The following EML6 variants were observed in gnomAD, a reference collection of about 807,000 sequenced individuals.
EML6 encodes echinoderm microtubule-associated protein-like 6.
EML6 carries 154 observed loss-of-function variants against 240.1 expected under a neutral mutation model. The ratio of observed to expected loss-of-function variants is 0.64; its 90% CI spans 0.56 to 0.73. The LOEUF (loss-of-function observed/expected upper bound fraction) is 0.73, where lower values mean the gene tolerates loss of function less well. Ranked by LOEUF, EML6 falls within the 30% of genes least tolerant of loss-of-function variation. EML6 has a pLI of 0.00. For synonymous variants in EML6, 1,148 were observed against 899.0 expected, an observed-to-expected ratio of 1.28 and a Z score of -4.95; for missense variants, 2,964 against 2,474.6, an observed-to-expected ratio of 1.20 and a Z score of -4.20.
intron 2 of EML6, among the ~76,000 whole-genome samples, chr2:54,770,971 C>T (rs1482890596): frequency 6.6e-6 from 1 of 152,028 alleles, no homozygotes; most frequent in Non-Finnish European, 1.5e-5. Flanking sequence ...AATGGAAACA[C>T]AGAGAGGAGC....
intron 2 of EML6, among the ~76,000 whole-genome samples, chr2:54,776,832 T>C (rs1439030365): frequency 6.6e-6 from 1 of 152,230 alleles, no homozygotes; most frequent in Admixed American, 6.5e-5. Flanking sequence ...TATGAACATT[T>C]GTATACTGGG....
chr2:54,907,443 G>T (rs1378815847), intron 24 of EML6, among the ~76,000 whole-genome samples: 1 of 152,188 alleles, frequency 6.6e-6, no homozygotes. Flanking sequence ...GGAGGCAGAG[G>T]TTGCAGGGAG....
chr2:54,867,457 C>T (rs536450090), intron 14 of EML6: 2 of 152,172 alleles, frequency 1.3e-5, no homozygotes, highest in African/African-American at 4.8e-5. Context: ...GTTTGATTCT[C>T]ACTATGATCA....
chr2:54,848,437 C>T (rs1044920793), intron 9 of EML6, among the ~76,000 whole-genome samples: 15 of 151,692 alleles, frequency 9.9e-5, no homozygotes, highest in African/African-American at 3.4e-4. Flanking sequence ...AACTAGTGGG[C>T]AACATTTTCT....
intron 19 of EML6, among the ~76,000 whole-genome samples, chr2:54,894,032 A>G (rs1037356706): frequency 8.5e-5 from 13 of 152,148 alleles, no homozygotes. Context: ...AATATAATAT[A>G]TTGCATTTTA....
At chr2:54,928,866 A>G (rs1376517785) in intron 28 of EML6, 115 bp downstream of exon 28, 5 of 1,247,550 alleles carry the variant, frequency 4.0e-6, no homozygotes, top group Non-Finnish European at 5.6e-6. Context: ...TCTTTTATAA[A>G]TCTTCACAGA....
chr2:54,734,275 T>C (rs1035012094), intron 2 of EML6, among the ~76,000 whole-genome samples: 1 of 152,236 alleles, frequency 6.6e-6, no homozygotes, highest in African/African-American at 2.4e-5. Flanking sequence ...GAAACAGTGG[T>C]TGCAGTGAGC....
At chr2:54,878,632 AATT>A (rs1250479956) in intron 16 of EML6, among the ~76,000 whole-genome samples, 3 of 152,246 alleles carry the variant, frequency 2.0e-5, no homozygotes, top group Non-Finnish European at 2.9e-5. Context: ...AATCATGGAT[AATT>A]ATTATTCTCT....
intron 12 of EML6, among the ~76,000 whole-genome samples, chr2:54,860,533 C>G (rs1227022239): frequency 2.0e-5 from 3 of 152,140 alleles, no homozygotes; most frequent in Non-Finnish European, 4.4e-5. Flanking sequence ...AGAAACAGAC[C>G]TCTGAGCCTC....
chr2:54,925,921 A>G (rs1330117178), intron 26 of EML6, among the ~76,000 whole-genome samples: 1 of 152,160 alleles, frequency 6.6e-6, no homozygotes, highest in Non-Finnish European at 1.5e-5. Context: ...TCAAGTCCTT[A>G]AGTTTCCTCC....
In EML6 at chr2:54,952,658, C is replaced by G; in HGVS notation, c.4278C>G (p.Pro1426=). The G allele has an allele frequency of 6.4e-7, 1 of 1,551,386 alleles. No homozygotes were observed. Among genetic ancestry groups the G allele is most frequent in the Non-Finnish European group, 8.7e-7 (1 of 1,146,908 alleles). ...DILCLTVNQH[P]KYRNVVATSQ... is the part of the protein sequence containing the mutation. The stretch of plus-strand genomic sequence containing the variant: ...TCTGTCTCACAGTGAACCAGCACCC[C>G]AAGTACAGAAACGTGGTGGCCACCA... Residue 1426 remains proline (P), a synonymous_variant, in exon 31 of 42, where the codon CCC becomes CCG. Coordinates refer to ENST00000356458, the MANE Select transcript of EML6 (RefSeq NM_001039753.4).
At chr2:54,815,237 G>C (rs1232891064) in intron 3 of EML6, among the ~76,000 whole-genome samples, 1 of 152,124 alleles carries the variant, frequency 6.6e-6, no homozygotes, top group Non-Finnish European at 1.5e-5. Flanking sequence ...ATGGTGGGTG[G>C]GGGTGGATTG....
At chr2:54,958,252 C>T (rs1204555090) in intron 33 of EML6, among the ~76,000 whole-genome samples, 1 of 152,126 alleles carries the variant, frequency 6.6e-6, no homozygotes, top group Admixed American at 6.5e-5. Context: ...AGTGCAGTGG[C>T]GCAATCTCGG....
intron 2 of EML6, among the ~76,000 whole-genome samples, chr2:54,750,249 A>G (rs1442932812): frequency 1.3e-5 from 2 of 152,140 alleles, no homozygotes; most frequent in Non-Finnish European, 2.9e-5. Flanking sequence ...GACTCCTGGG[A>G]CGGGACTCAA....
At chr2:54,969,123 T>C (rs374464693) in intron 41 of EML6, among the ~76,000 whole-genome samples, 2 of 152,200 alleles carry the variant, frequency 1.3e-5, no homozygotes, top group South Asian at 4.1e-4. Context: ...ATCAGGAGGT[T>C]AGAATGCAAA....
At chr2:54,784,852 GA>G (rs2103867020) in intron 2 of EML6, among the ~76,000 whole-genome samples, 1 of 113,216 alleles carries the variant, frequency 8.8e-6, no homozygotes, top group East Asian at 3.3e-4. Context: ...TCATAAGGAA[GA>G]GAAAAATACC....
chr2:54,875,351 G>A (rs1349531593), intron 16 of EML6, among the ~76,000 whole-genome samples: 1 of 152,214 alleles, frequency 6.6e-6, no homozygotes, highest in Admixed American at 6.5e-5. Flanking sequence ...AGACCTCCTT[G>A]TTTAACGGTG....
intron 2 of EML6, among the ~76,000 whole-genome samples, chr2:54,770,310 G>A (rs1668354338): frequency 6.6e-6 from 1 of 152,174 alleles, no homozygotes; most frequent in Non-Finnish European, 1.5e-5. Context: ...TGTAAGCTGG[G>A]ACCGTTGGAC....
chr2:54,835,151 C>G (rs890977260), intron 7 of EML6, among the ~76,000 whole-genome samples: 2 of 152,236 alleles, frequency 1.3e-5, no homozygotes, highest in Admixed American at 1.3e-4. Context: ...ATGATCTCTT[C>G]TAGAATTGCA....
Sources: gnomAD v4.1 joint callset for allele counts (sites outside exome capture counted in the v4.1 genomes callset) on GRCh38, gnomAD v4.1.1 for gene constraint, MANE v1.5 for transcripts, NCBI Gene and HGNC (gene_info 2026-07-23, HGNC 2026-07-21) for gene names.